The following NUP210 variants were observed in gnomAD, a reference collection of about 807,000 sequenced individuals.
The protein encoded by NUP210 is nuclear pore membrane glycoprotein 210.
In NUP210, 151 loss-of-function variants were observed where a neutral mutation model predicts 196.0. The observed-to-expected ratio is 0.77, with a 90% CI of 0.67 to 0.88. The LOEUF is 0.88. Ranked by LOEUF, NUP210 falls within the 40% of genes least tolerant of loss-of-function variation. NUP210 has a pLI of 0.00. For synonymous variants in NUP210, 1,070 were observed against 1,052.7 expected (o/e 1.02, Z -0.32); for missense variants, 2,314 against 2,493.7 (o/e 0.93, Z 1.53).
At chr3:13,371,621 A>G (rs1408589844) in intron 13 of NUP210, among the ~76,000 whole-genome samples, 1 of 152,254 alleles carries the variant, frequency 6.6e-6, no homozygotes, top group East Asian at 1.9e-4. Flanking sequence ...ACTGAGGCTG[A>G]GCGAGGCCAC....
intron 1 of NUP210, among the ~76,000 whole-genome samples, chr3:13,406,864 C>T (rs1700021493): frequency 6.7e-6 from 1 of 148,672 alleles, no homozygotes; most frequent in African/African-American, 2.5e-5. Flanking sequence ...ACACGGCACA[C>T]ATGGCAGGTT....
rs1180144480 is a variant in NUP210 at position 13,340,031 on chromosome 3, G to T, written c.3294C>A (p.Val1098=). 1 of 1,613,564 alleles carries T rather than the reference G, an allele frequency of 6.2e-7. No homozygotes were observed. The highest frequency in any genetic ancestry group is 8.5e-7 in the Non-Finnish European group (1 of 1,179,932). The part of the protein sequence containing the change: ...VTLLIGATMQ[V]TSEGGPQPQS... ...GAGGCTGGGGGCCGCCCTCGGAGGT[G>T]ACCTGAGCGGGGAGGAAACAGCGGC... The change falls in exon 25 of 40, where the codon GTC becomes GTA. Residue 1098 remains valine, a splice_region_variant and synonymous_variant. Transcript: ENST00000254508. This position sits in a 1 kb window ranked among gnomAD's most constrained non-coding sequence, Gnocchi z 4.0.
At position 13,360,454 on chromosome 3, in the gene NUP210, C is replaced by A. The variant is rs1353804238; in HGVS notation, c.1970G>T (p.Gly657Val). ...DPSSVALVTL[G>V]SSKEMLFEGG... ...TTCAAACAGCATCTCCTTTGAGGAG[C>A]CCAGGGTTACCAAGGCAACAGAGGA... The change falls in exon 15 of 40, where the codon GGC becomes GTC. Residue 657 changes from glycine to valine, a missense_variant. Physicochemically the swap from Gly to Val is moderately radical, Grantham distance 109. Transcript: ENST00000254508. The A allele has an allele frequency of 6.2e-7, 1 of 1,612,614 alleles. No homozygotes were observed. The highest frequency in any genetic ancestry group is 8.5e-7 in the Non-Finnish European group (1 of 1,179,462).
At chr3:13,389,572 C>A (rs1272067470) in intron 4 of NUP210, among the ~76,000 whole-genome samples, 1 of 152,246 alleles carries the variant, frequency 6.6e-6, no homozygotes, top group East Asian at 1.9e-4. Context: ...TTACAAAACA[C>A]CAGAACCCAC....
Position 13,340,738 on chromosome 3 carries a change from C to T in NUP210, c.3229-440G>A, listed in dbSNP as rs764197186. On this transcript the variant is annotated intron_variant, in intron 23 of 39. Transcript: ENST00000254508. This position sits in a 1 kb window ranked among gnomAD's most constrained non-coding sequence, Gnocchi z 4.0. ...GGGTGGCCCCACAGGACAGCCCTGC[C>T]GATATGGGAGCACCCAGACCCCCAG... 6.6e-6 allele frequency among the ~76,000 whole-genome samples: 1 copy of T among 152,070 alleles called. No homozygotes were observed. Among genetic ancestry groups the T allele is most frequent in the African/African-American group, 2.4e-5 (1 of 41,430 alleles).
chr3:13,342,044 G>A lies in NUP210; in HGVS notation c.3044C>T (p.Pro1015Leu). The part of the protein sequence containing the change: ...HKKPFLAKYF[P>L]FMDLKLRAAS... Reference sequence around the variant, plus strand: ...TGCTCGGAGCTTCAGGTCCATAAAGGGGAAGTATTTGGCAAGGAAGGGCTT... The same window carrying A: ...TGCTCGGAGCTTCAGGTCCATAAAGAGGAAGTATTTGGCAAGGAAGGGCTT... The change falls in exon 22 of 40, where the codon CCC becomes CTC. Residue 1015 changes from proline (P) to leucine (L), a missense_variant. Transcript: ENST00000254508. 6.2e-7 allele frequency: 1 copy of A among 1,614,208 alleles called. No individual in the cohort carries two copies. Among genetic ancestry groups the A allele is most frequent in the Non-Finnish European group, 8.5e-7 (1 of 1,180,032 alleles).
At position 13,348,187 on chromosome 3, in the gene NUP210, G is replaced by A. The variant is rs1697825886; in HGVS notation, c.2835+3692C>T. 6.2e-6 allele frequency: 1 copy of A among 161,124 alleles called. No homozygotes were observed. The highest frequency in any genetic ancestry group is 2.0e-4 in the South Asian group (1 of 4,974). The allele number at this position is 161,124 out of a possible 1,614,324, so 10.0% of individuals were successfully genotyped here. On this transcript the variant is annotated intron_variant, in intron 20 of 39. Transcript: ENST00000254508. This position sits in a 1 kb window ranked among gnomAD's most constrained non-coding sequence, Gnocchi z 4.0. ...TGCAGCATTTTAGGATTCAAGAGGGGTTTAAAGGTCTCCTGGGGAAACTTG... is the reference window on the plus strand; with the variant it reads ...TGCAGCATTTTAGGATTCAAGAGGGATTTAAAGGTCTCCTGGGGAAACTTG...
At chr3:13,376,548 T>C in intron 9 of NUP210, 117 bp from the exon 10 acceptor site, 1 of 1,144,320 alleles carries the variant, frequency 8.7e-7, no homozygotes, top group Non-Finnish European at 1.3e-6. Context: ...AGGGGCCCCC[T>C]GGGGCTCAGC....
At chr3:13,395,199 A>G (rs1699612761) in intron 3 of NUP210, among the ~76,000 whole-genome samples, 2 of 152,300 alleles carry the variant, frequency 1.3e-5, no homozygotes, top group South Asian at 2.1e-4. Flanking sequence ...CACCTCCCCA[A>G]TCCCGACATC....
chr3:13,330,274 G>A (rs577060250), intron 30 of NUP210, among the ~76,000 whole-genome samples, 186 bp downstream of exon 30: 20 of 152,290 alleles, frequency 1.3e-4, no homozygotes, highest in South Asian at 4.1e-4. Context: ...AAGGATCTTC[G>A]GCTCTGATGA....
chr3:13,321,093 T>A (rs1286695742), intron 36 of NUP210, among the ~76,000 whole-genome samples: 1 of 152,232 alleles, frequency 6.6e-6, no homozygotes, highest in Non-Finnish European at 1.5e-5. Flanking sequence ...GCCGAGGAAC[T>A]CCTTGGTTCT....
chr3:13,379,872 T>C lies in NUP210; in HGVS notation c.818-151A>G, dbSNP rs534347511. Reference sequence around the variant, plus strand: ...TCTTAATTGTTTTCAGTGCTTTAAATGTTAATATTGTTCTGCATGCTGGTG... The same window carrying C: ...TCTTAATTGTTTTCAGTGCTTTAAACGTTAATATTGTTCTGCATGCTGGTG... On this transcript the variant is annotated intron_variant, in intron 6 of 39. Transcript: ENST00000254508. The surrounding 1 kb of genome is among the most constrained non-coding windows in gnomAD (Gnocchi z 4.2). 9.8e-6 allele frequency: 6 copies of C among 611,456 alleles called. No individual in the cohort carries two copies. The highest frequency in any genetic ancestry group is 7.6e-5 in the African/African-American group (4 of 52,546). The allele number at this position is 611,456 out of a possible 1,614,324, so 37.9% of individuals were successfully genotyped here. A position where few individuals can be genotyped will look rare whatever the true frequency, so the allele number is the denominator to read the frequency against.
Position 13,371,445 on chromosome 3 carries a change from C to A in NUP210, c.1786+389G>T, listed in dbSNP as rs563766390. On this transcript the variant is annotated intron_variant, in intron 13 of 39. Coordinates refer to ENST00000254508, the MANE Select transcript of NUP210 (RefSeq NM_024923.4). ...CACCATCAAAATCCCACAGCAGATG[C>A]GGCAGAGAACAGATGGGTGGGCCTT... Among the ~76,000 whole-genome samples the A allele has an allele frequency of 1.5e-4, 23 of 152,332 alleles. 1 individual carries two copies. Among genetic ancestry groups the A allele is most frequent in the South Asian group, 6.2e-4 (3 of 4,834 alleles).
intron 33 of NUP210, among the ~76,000 whole-genome samples, chr3:13,325,309 C>T (rs1192720606): frequency 3.3e-5 from 5 of 152,244 alleles, no homozygotes; most frequent in Non-Finnish European, 5.9e-5. Flanking sequence ...GGTTAAACTG[C>T]TAGGTTCCAT....
intron 2 of NUP210, among the ~76,000 whole-genome samples, chr3:13,399,435 C>A (rs1271636099): frequency 2.0e-5 from 3 of 152,116 alleles, no homozygotes; most frequent in Admixed American, 6.5e-5. Context: ...CAGATTAGGA[C>A]AACTGTCATA....
chr3:13,322,383 C>T (rs374343689), intron 34 of NUP210, 44 bp from the exon 35 acceptor site: 114 of 1,603,512 alleles, frequency 7.1e-5, no homozygotes, highest in Non-Finnish European at 8.6e-5. Context: ...GGCCCGATGG[C>T]CACCACACCA....
intron 11 of NUP210, among the ~76,000 whole-genome samples, chr3:13,374,808 T>C (rs903093486): frequency 2.0e-5 from 3 of 152,178 alleles, no homozygotes; most frequent in African/African-American, 4.8e-5. Context: ...GGGGCCAGGA[T>C]GGTGACGCAC....
chr3:13,353,850 C>T, intron 17 of NUP210, 65 bp downstream of exon 17: 1 of 1,502,874 alleles, frequency 6.7e-7, no homozygotes, highest in Non-Finnish European at 9.1e-7. Flanking sequence ...ACTGGCCCAC[C>T]TTGGCAGGCT....
chr3:13,377,261 G>A (rs892556397), intron 9 of NUP210, among the ~76,000 whole-genome samples, 195 bp downstream of exon 9: 1 of 152,156 alleles, frequency 6.6e-6, no homozygotes, highest in Non-Finnish European at 1.5e-5. Context: ...CCGGTGTGCA[G>A]GCTCACAGGC....
Sources: allele counts gnomAD v4.1 joint callset (sites outside exome capture counted in the v4.1 genomes callset), GRCh38; gene constraint gnomAD v4.1.1; non-coding constraint Gnocchi (gnomAD v3.1); transcripts MANE v1.5; gene names NCBI Gene and HGNC (gene_info 2026-07-23, HGNC 2026-07-21).